XIRP2: variants seen among roughly 807,000 people sequenced by gnomAD.
XIRP2 encodes xin actin-binding repeat-containing protein 2.
XIRP2 carries 236 observed loss-of-function variants against 277.0 expected under a neutral mutation model. The ratio of observed to expected loss-of-function variants is 0.85; its 90% CI spans 0.77 to 0.95. XIRP2 has a LOEUF of 0.95. Among genes scored for constraint, XIRP2 ranks in the 40% least tolerant of loss-of-function variants. The probability of loss-of-function intolerance (pLI) is 0.00; values close to 1 mark genes in which losing one functional copy is unlikely to be tolerated. For synonymous variants in XIRP2, 1,490 were observed against 1,416.5 expected (o/e 1.05, Z -1.17); for missense variants, 4,640 against 4,157.5 (o/e 1.12, Z -3.19).
At chr2:166,917,035 C>G (rs934869370) in intron 2 of XIRP2, among the ~76,000 whole-genome samples, 1 of 152,098 alleles carries the variant, frequency 6.6e-6, no homozygotes, top group Admixed American at 6.6e-5. Flanking sequence ...ATCTCTGTAA[C>G]CCACTATATG....
At chr2:167,017,422 G>T (rs899559052) in intron 2 of XIRP2, among the ~76,000 whole-genome samples, 2 of 151,932 alleles carry the variant, frequency 1.3e-5, no homozygotes, top group African/African-American at 2.4e-5. Context: ...TAACAAAAAA[G>T]CCCTTTCTCC....
intron 5 of XIRP2, among the ~76,000 whole-genome samples, chr2:167,237,526 T>C (rs1372168039): frequency 6.6e-6 from 1 of 152,168 alleles, no homozygotes; most frequent in African/African-American, 2.4e-5. Context: ...AAAGCCAGAC[T>C]CTGCCATGTT....
At chr2:167,128,594 G>A (rs1297201060) in intron 2 of XIRP2, among the ~76,000 whole-genome samples, 1 of 152,134 alleles carries the variant, frequency 6.6e-6, no homozygotes, top group East Asian at 1.9e-4. Flanking sequence ...AGAGGCAACT[G>A]TATGATCTGT....
Position 167,037,871 on chromosome 2 carries a change from T to C in XIRP2, c.409-98038T>C, listed in dbSNP as rs569552231. Among the ~76,000 whole-genome samples the C allele has an allele frequency of 2.6e-5, 4 of 152,152 alleles. No individual in the cohort carries two copies. In the South Asian group the frequency reaches 8.3e-4, roughly 32 times the overall value. ...AATTATACTAAAATATTAGGCATTT[T>C]AATATTGAAATGTTGAGATTATTGA... On this transcript the variant is annotated intron_variant, in intron 2 of 10. Coordinates refer to ENST00000409195, the MANE Select transcript of XIRP2 (RefSeq NM_152381.6).
intron 3 of XIRP2, among the ~76,000 whole-genome samples, chr2:167,176,706 T>G (rs1478801322): frequency 6.6e-6 from 1 of 152,176 alleles, no homozygotes; most frequent in Non-Finnish European, 1.5e-5. Flanking sequence ...GTAAGTCAAT[T>G]TAGTCTACAG....
At chr2:167,215,935 T>C (rs1314193673) in intron 4 of XIRP2, among the ~76,000 whole-genome samples, 1 of 152,136 alleles carries the variant, frequency 6.6e-6, no homozygotes, top group East Asian at 1.9e-4. Flanking sequence ...CTATCAAAAT[T>C]AGTTTTCTAT....
chr2:167,134,113 A>T (rs1034232982), intron 2 of XIRP2, among the ~76,000 whole-genome samples: 6 of 151,926 alleles, frequency 3.9e-5, no homozygotes, highest in African/African-American at 1.4e-4. Flanking sequence ...TAGTGATTTT[A>T]TATATATGTG....
intron 2 of XIRP2, among the ~76,000 whole-genome samples, chr2:166,994,614 A>G (rs1400126824): frequency 6.7e-6 from 1 of 149,976 alleles, no homozygotes; most frequent in Non-Finnish European, 1.5e-5. Flanking sequence ...AATGATGTTA[A>G]TGATATTTAC....
At chr2:167,094,820 G>T (rs183397095) in intron 2 of XIRP2, among the ~76,000 whole-genome samples, 34 of 152,218 alleles carry the variant, frequency 2.2e-4, no homozygotes, top group African/African-American at 7.2e-4. Flanking sequence ...GGTTCCATAT[G>T]AACTTTAAAG....
intron 2 of XIRP2, among the ~76,000 whole-genome samples, chr2:167,079,720 T>G (rs1391568465): frequency 6.6e-6 from 1 of 151,900 alleles, no homozygotes; most frequent in Non-Finnish European, 1.5e-5. Flanking sequence ...TCTTTGGATT[T>G]TCTCTTTTTT....
At chr2:167,188,152 CA>C (rs1414614913) in intron 3 of XIRP2, among the ~76,000 whole-genome samples, 2 of 152,186 alleles carry the variant, frequency 1.3e-5, no homozygotes, top group African/African-American at 4.8e-5. Flanking sequence ...ATAGTAACTA[CA>C]ACCTTAAACA....
intron 4 of XIRP2, among the ~76,000 whole-genome samples, chr2:167,213,889 A>C (rs1164323561): frequency 6.6e-6 from 1 of 152,052 alleles, no homozygotes; most frequent in Non-Finnish European, 1.5e-5. Context: ...GCAGTAGCGT[A>C]ATGATAGTAC....
intron 3 of XIRP2, among the ~76,000 whole-genome samples, chr2:167,190,738 G>A (rs1441062894): frequency 6.6e-6 from 1 of 152,102 alleles, no homozygotes; most frequent in Non-Finnish European, 1.5e-5. Flanking sequence ...ATCAGCAAAT[G>A]CAATCAATTA....
rs375141738 is a variant in XIRP2 at position 167,136,051 on chromosome 2, G to T, written c.551G>T (p.Arg184Leu). ...DKMSPESGHS[R>L]IFEATAGPNK... ...ATGTCACCTGAAAGTGGTCACAGCCGCATCTTTGAAGGTTAGCATAACATT... is the reference window on the plus strand; with the variant it reads ...ATGTCACCTGAAAGTGGTCACAGCCTCATCTTTGAAGGTTAGCATAACATT... Residue 184 changes from arginine (R) to leucine (L), a missense_variant, in exon 3 of 11, where the codon CGC (arginine) becomes CTC (leucine). By Grantham distance (102) the Arg-to-Leu change is moderately radical (BLOSUM62 -2). Transcript: ENST00000409195. 3.7e-6 allele frequency: 6 copies of T among 1,600,232 alleles called. No individual in the cohort carries two copies. Among genetic ancestry groups the T allele is most frequent in the Non-Finnish European group, 4.3e-6 (5 of 1,174,500 alleles).
intron 2 of XIRP2, among the ~76,000 whole-genome samples, chr2:167,007,206 G>C (rs552881103): frequency 1.3e-5 from 2 of 151,660 alleles, no homozygotes; most frequent in East Asian, 3.9e-4. Context: ...AACCACACTT[G>C]AGCCTGGGTC....
intron 3 of XIRP2, among the ~76,000 whole-genome samples, chr2:167,195,101 A>G (rs1356443269): frequency 6.6e-6 from 1 of 152,102 alleles, no homozygotes; most frequent in Non-Finnish European, 1.5e-5. Flanking sequence ...GTTGTTAAAA[A>G]CACCCTTATC....
At chr2:167,102,157 G>A (rs1244607189) in intron 2 of XIRP2, among the ~76,000 whole-genome samples, 2 of 152,172 alleles carry the variant, frequency 1.3e-5, no homozygotes, top group Admixed American at 6.5e-5. Context: ...GGTGATGGCT[G>A]CTTGATTTGA....
chr2:167,012,345 T>A (rs1316049051), intron 2 of XIRP2, among the ~76,000 whole-genome samples: 1 of 151,838 alleles, frequency 6.6e-6, no homozygotes, highest in East Asian at 1.9e-4. Context: ...AACAGAAGTT[T>A]AATAAGATTC....
chr2:167,255,473 C>G (rs750455407), intron 10 of XIRP2, among the ~76,000 whole-genome samples: 2 of 151,692 alleles, frequency 1.3e-5, no homozygotes, highest in African/African-American at 2.4e-5. Context: ...ACATTCAAGC[C>G]GTCACCAAGT....
Sources: gnomAD v4.1 joint callset for allele counts (sites outside exome capture counted in the v4.1 genomes callset) on GRCh38, gnomAD v4.1.1 for gene constraint, MANE v1.5 for transcripts, NCBI Gene and HGNC (gene_info 2026-07-23, HGNC 2026-07-21) for gene names.